Variants in WDPCP observed in about 807,000 individuals in gnomAD.
The protein encoded by WDPCP is WD repeat-containing and planar cell polarity effector protein fritz homolog.
A neutral mutation model predicts 93.1 loss-of-function variants in WDPCP; 71 were observed. The ratio of observed to expected loss-of-function variants is 0.76; its 90% CI spans 0.63 to 0.93. The LOEUF is 0.93. Ranked by LOEUF, WDPCP falls within the 40% of genes least tolerant of loss-of-function variation. The pLI is 0.00. For synonymous variants in WDPCP, 315 were observed against 315.0 expected (o/e 1.00, Z 0.00); for missense variants, 844 against 887.4 (o/e 0.95, Z 0.62).
chr2:63,346,505 T>A (rs1689201328), intron 12 of WDPCP, among the ~76,000 whole-genome samples: 1 of 152,176 alleles, frequency 6.6e-6, no homozygotes, highest in Non-Finnish European at 1.5e-5. Context: ...CATTAGTGCA[T>A]CTGCACAGAA....
At chr2:63,603,573 T>C (rs1709469849) in intron 3 of WDPCP, among the ~76,000 whole-genome samples, 1 of 152,072 alleles carries the variant, frequency 6.6e-6, no homozygotes, top group Non-Finnish European at 1.5e-5. Flanking sequence ...TACATATACC[T>C]GATCATAATT....
chr2:63,145,427 G>C (rs986769255), intron 17 of WDPCP, among the ~76,000 whole-genome samples: 2 of 152,146 alleles, frequency 1.3e-5, no homozygotes, highest in Non-Finnish European at 2.9e-5. Flanking sequence ...GGCAGGTCTT[G>C]CTGTGCCTGC....
chr2:63,807,570 T>C (rs1164767226), intron 2 of WDPCP, among the ~76,000 whole-genome samples: 1 of 152,214 alleles, frequency 6.6e-6, no homozygotes, highest in African/African-American at 2.4e-5. Flanking sequence ...TATTTCTTTA[T>C]GGCAATGCAA....
chr2:63,785,514 A>T (rs1670454427), intron 2 of WDPCP, among the ~76,000 whole-genome samples: 1 of 152,162 alleles, frequency 6.6e-6, no homozygotes, highest in Non-Finnish European at 1.5e-5. Context: ...ATATTTATAA[A>T]GTTTTCATGT....
At chr2:63,168,234 A>G (rs1048931905) in intron 15 of WDPCP, among the ~76,000 whole-genome samples, 1 of 151,936 alleles carries the variant, frequency 6.6e-6, no homozygotes, top group African/African-American at 2.4e-5. Flanking sequence ...TTGTTGTACA[A>G]ATATTCTTAA....
intron 2 of WDPCP, among the ~76,000 whole-genome samples, chr2:63,715,118 GA>G (rs1669318992): frequency 6.6e-6 from 1 of 152,238 alleles, no homozygotes; most frequent in Non-Finnish European, 1.5e-5. Context: ...CATAGAGATA[GA>G]AAGCAGATAG....
chr2:63,542,479 G>A (rs1008607011), intron 1 of WDPCP, among the ~76,000 whole-genome samples: 1 of 152,122 alleles, frequency 6.6e-6, no homozygotes, highest in Non-Finnish European at 1.5e-5. Flanking sequence ...GCTACCATGG[G>A]TACCATTAAA....
chr2:63,555,549 C>T (rs1280654263), intron 1 of WDPCP, among the ~76,000 whole-genome samples: 2 of 152,198 alleles, frequency 1.3e-5, no homozygotes, highest in African/African-American at 4.8e-5. Context: ...GGTGAGACCC[C>T]CCCGCAACAG....
chr2:63,638,330 T>TACACAC (rs59283182), intron 3 of WDPCP, among the ~76,000 whole-genome samples: 3 of 149,800 alleles, frequency 2.0e-5, no homozygotes, highest in Non-Finnish European at 4.5e-5. Context: ...CTCTCTCACA[T>TACACAC]ACACACACAC....
At chr2:63,237,848 G>T (rs576269083) in intron 14 of WDPCP, among the ~76,000 whole-genome samples, 6 of 151,990 alleles carry the variant, frequency 3.9e-5, no homozygotes, top group Non-Finnish European at 7.4e-5. Context: ...GAAAGAGAGG[G>T]GCAAGGGCTG....
At chr2:63,688,506 T>C (rs1265767253) in intron 2 of WDPCP, among the ~76,000 whole-genome samples, 2 of 92,866 alleles carry the variant, frequency 2.2e-5, no homozygotes, top group Non-Finnish European at 4.4e-5. Context: ...GGAAGGGTTA[T>C]TGCGGGGTTG....
chr2:63,230,156 A>G (rs1223074391), intron 14 of WDPCP, among the ~76,000 whole-genome samples: 2 of 142,478 alleles, frequency 1.4e-5, no homozygotes, highest in African/African-American at 5.2e-5. Flanking sequence ...TCATTCTTCA[A>G]TTCCCACTTA....
intron 8 of WDPCP, among the ~76,000 whole-genome samples, chr2:63,435,083 G>A (rs1236311430): frequency 2.6e-5 from 4 of 151,956 alleles, no homozygotes; most frequent in Admixed American, 2.0e-4. Context: ...TCCTCTGAAT[G>A]CACATCAAAA....
chr2:63,427,154 C>T (rs1392210412), intron 9 of WDPCP, among the ~76,000 whole-genome samples: 1 of 152,112 alleles, frequency 6.6e-6, no homozygotes, highest in Non-Finnish European at 1.5e-5. Context: ...TTCAACAACC[C>T]ACTGATAGCA....
At chr2:63,627,885 T>C (rs969038675) in intron 3 of WDPCP, among the ~76,000 whole-genome samples, 3 of 152,226 alleles carry the variant, frequency 2.0e-5, no homozygotes, top group African/African-American at 7.2e-5. Context: ...ACTGACCCTC[T>C]GCCCTCCTGG....
At chr2:63,815,951 C>G (rs62138824) in intron 1 of WDPCP, among the ~76,000 whole-genome samples, 2,885 of 151,704 alleles carry the variant, frequency 0.019, 48 homozygotes, top group South Asian at 0.068. Context: ...GTTAAAGGCA[C>G]TGCCTCATGG....
intron 3 of WDPCP, chr2:63,622,651 T>C (rs1015996036): frequency 1.9e-6 from 3 of 1,613,930 alleles, no homozygotes; most frequent in Non-Finnish European, 1.7e-6. Flanking sequence ...CGTGGCATTC[T>C]GTTGGTCTTG....
chr2:63,588,632 G>T (rs1709052413), upstream of WDPCP: 3 of 494,556 alleles, frequency 6.1e-6, no homozygotes, highest in Non-Finnish European at 7.4e-6. Flanking sequence ...ATGTCGCTAA[G>T]GGGTGATTCT....
intron 1 of WDPCP, among the ~76,000 whole-genome samples, chr2:63,558,194 T>C (rs1036594693): frequency 4.4e-4 from 67 of 151,394 alleles, no homozygotes; most frequent in African/African-American, 1.5e-3. Flanking sequence ...CAGTAGCTGG[T>C]TTTTTGAAAA....
Sources: gnomAD v4.1 joint callset for allele counts (sites outside exome capture counted in the v4.1 genomes callset) on GRCh38, gnomAD v4.1.1 for gene constraint, MANE v1.5 for transcripts, NCBI Gene and HGNC (gene_info 2026-07-23, HGNC 2026-07-21) for gene names.